Variants in RGS12 observed in about 807,000 individuals in gnomAD.
The protein encoded by RGS12 is regulator of G-protein signaling 12.
In RGS12, 66 loss-of-function variants were observed where a neutral mutation model predicts 120.1. The observed-to-expected ratio is 0.55, with a 90% CI of 0.45 to 0.67. The LOEUF (loss-of-function observed/expected upper bound fraction) is 0.67, where lower values mean the gene tolerates loss of function less well. Among genes scored for constraint, RGS12 ranks in the 30% least tolerant of loss-of-function variants. RGS12 has a pLI of 0.00. For synonymous variants in RGS12, 827 were observed against 804.7 expected, an observed-to-expected ratio of 1.03 and a Z score of -0.47; for missense variants, 1,859 against 1,957.7, an observed-to-expected ratio of 0.95 and a Z score of 0.95.
rs753542639 is a variant in RGS12, at chr4:3,428,671, GA to G, written c.3534del (p.Lys1178AsnfsTer32). On this transcript the variant is annotated frameshift_variant, in exon 16 of 18. Transcript: ENST00000336727. LOFTEE classifies it high-confidence loss of function. The part of the protein sequence containing the change: ...KREESIAKIG[K>X]KKYQKINLDE... Reference sequence around the variant, plus strand: ...GAGAAGAATCTATTGCAAAGATTGGGAAAAAAAAATATCAGAAAATTAATTT... The same window carrying G: ...GAGAAGAATCTATTGCAAAGATTGGGAAAAAAAATATCAGAAAATTAATTT... The G allele has an allele frequency of 4.3e-5, 67 of 1,576,270 alleles. No individual in the cohort carries two copies. Among genetic ancestry groups the G allele is most frequent in the Admixed American group, 2.3e-4 (12 of 52,782 alleles).
At chr4:3,288,714 G>A (rs1365811836), upstream of RGS12, among the ~76,000 whole-genome samples, 2 of 152,180 alleles carry the variant, frequency 1.3e-5, no homozygotes, top group African/African-American at 2.4e-5. The surrounding 1 kb of genome is among the most constrained non-coding windows in gnomAD (Gnocchi z 5.2). Flanking sequence ...AGGCTGACAG[G>A]GCATTCCAGG....
chr4:3,329,756 A>G (rs1711634126), intron 2 of RGS12, among the ~76,000 whole-genome samples: 1 of 152,254 alleles, frequency 6.6e-6, no homozygotes, highest in South Asian at 2.1e-4. Flanking sequence ...AGATTGGGTT[A>G]TATAAAATAA....
intron 1 of RGS12, among the ~76,000 whole-genome samples, chr4:3,300,251 G>A (rs539323406): frequency 6.6e-6 from 1 of 152,344 alleles, no homozygotes; most frequent in Non-Finnish European, 1.5e-5. Context: ...GCTGGAGACA[G>A]CAGTGCCGCG....
intron 4 of RGS12, 51 bp from the exon 5 acceptor site, chr4:3,414,021 G>A: frequency 6.8e-7 from 1 of 1,478,386 alleles, no homozygotes; most frequent in Non-Finnish European, 9.0e-7. Flanking sequence ...AGCAGTCACT[G>A]GGCCGGGGCG....
chr4:3,438,000 A>G (rs1724973635), intron 17 of RGS12, among the ~76,000 whole-genome samples: 2 of 152,190 alleles, frequency 1.3e-5, no homozygotes, highest in Non-Finnish European at 2.9e-5. Context: ...TGGGGCAGCA[A>G]GGACCCTGCG....
At chr4:3,295,068 T>C (rs1723292743) in intron 1 of RGS12, among the ~76,000 whole-genome samples, 1 of 151,882 alleles carries the variant, frequency 6.6e-6, no homozygotes, top group Admixed American at 6.6e-5. Flanking sequence ...CTGTTTAGGA[T>C]GAGGGTCTCG....
At chr4:3,286,524 T>C in the RGS12 span, among the ~76,000 whole-genome samples, 2,031 of 152,330 alleles carry the variant, frequency 0.013, 21 homozygotes, top group Middle Eastern at 0.037. Context: ...AGCTCCATTC[T>C]TGGTTTAAAG....
At chr4:3,361,946 G>A (rs1715603901) in intron 3 of RGS12, among the ~76,000 whole-genome samples, 1 of 152,202 alleles carries the variant, frequency 6.6e-6, no homozygotes, top group African/African-American at 2.4e-5. Context: ...ACTGAGGCTT[G>A]CAGGGAACAA....
intron 1 of RGS12, among the ~76,000 whole-genome samples, chr4:3,309,799 G>A (rs1197284511): frequency 7.1e-6 from 1 of 141,606 alleles, no homozygotes; most frequent in African/African-American, 2.7e-5. Flanking sequence ...GAGGGGAACC[G>A]TGTTGAGGAG....
rs767578793 is a variant in RGS12, at chr4:3,316,946, T to C, written c.776T>C (p.Met259Thr). 2 of 1,613,878 alleles carry C rather than the reference T, an allele frequency of 1.2e-6. No individual in the cohort carries two copies. Among genetic ancestry groups the C allele is most frequent in the Admixed American group, 1.7e-5 (1 of 60,030 alleles). ...SDSLQAIRGC[M>T]RRLRAEQKIH... ...AGCTTGCAAGCCATCCGCGGCTGCATGCGGCGCCTGCGGGCAGAGCAGAAA... is the reference window on the plus strand; with the variant it reads ...AGCTTGCAAGCCATCCGCGGCTGCACGCGGCGCCTGCGGGCAGAGCAGAAA... The change falls in exon 2 of 18, where the codon ATG becomes ACG. Residue 259 changes from methionine (M) to threonine (T), a missense_variant. Met to Thr is a moderately conservative substitution (Grantham distance 81). This residue lies in a region of RGS12 where 967 missense variants were observed against 994.2 expected (regional missense o/e 0.97). Transcript: ENST00000336727.
intron 1 of RGS12, among the ~76,000 whole-genome samples, chr4:3,299,368 C>T (rs1330829026): frequency 6.6e-6 from 1 of 152,210 alleles, no homozygotes; most frequent in African/African-American, 2.4e-5. Context: ...GGGAGGATCA[C>T]AACTTCTACC....
chr4:3,370,065 T>G, intron 3 of RGS12: 2 of 1,265,926 alleles, frequency 1.6e-6, no homozygotes, highest in Non-Finnish European at 1.0e-6. Flanking sequence ...AAACGGCGCT[T>G]CTTTCTTTGG....
intron 2 of RGS12, among the ~76,000 whole-genome samples, chr4:3,332,104 G>A (rs776387215): frequency 1.6e-4 from 25 of 152,184 alleles, no homozygotes; most frequent in Admixed American, 1.4e-3. Flanking sequence ...TGGCTTGGGG[G>A]CCATGGAGGT....
At chr4:3,405,078 T>C (rs985084632) in intron 4 of RGS12, among the ~76,000 whole-genome samples, 7 of 152,188 alleles carry the variant, frequency 4.6e-5, no homozygotes, top group Non-Finnish European at 7.3e-5. Context: ...CTAACACAGA[T>C]AAATGGCTTT....
intron 17 of RGS12, among the ~76,000 whole-genome samples, chr4:3,435,959 C>G (rs1724767042): frequency 1.9e-5 from 2 of 103,734 alleles, no homozygotes; most frequent in South Asian, 5.3e-4. Flanking sequence ...CACCCCCACT[C>G]CCCTATTCCC....
intron 3 of RGS12, among the ~76,000 whole-genome samples, chr4:3,373,076 C>T (rs1049992117): frequency 6.6e-5 from 10 of 152,146 alleles, no homozygotes; most frequent in African/African-American, 1.7e-4. Context: ...GGCAGACAGA[C>T]GCTCATGCAG....
intron 3 of RGS12, among the ~76,000 whole-genome samples, chr4:3,360,522 T>C (rs75832029): frequency 0.03 from 4,622 of 152,200 alleles, 218 homozygotes; most frequent in African/African-American, 0.099. Context: ...AAATTTCCCC[T>C]TTAGTACTAC....
intron 9 of RGS12, chr4:3,419,007 T>C (rs1368293129): frequency 1.6e-5 from 2 of 121,870 alleles, no homozygotes; most frequent in East Asian, 4.8e-4. Context: ...ATGGTAAGGC[T>C]CTACTAAAAA....
Position 3,433,033 on chromosome 4 carries a change from T to TTCCC in RGS12, c.4114+2078_4114+2079insTCCC, listed in dbSNP as rs1198342450. ...ACCCCCACTCTAATGGGATTCTCTG[T>TTCCC]ATTGGAGAGTTCACCTGCCCATGGC... On this transcript the variant is annotated intron_variant, in intron 17 of 17. Transcript: ENST00000336727. This position sits in a 1 kb window ranked among gnomAD's most constrained non-coding sequence, Gnocchi z 4.4. Among the ~76,000 whole-genome samples, 1 of 152,210 alleles carries TTCCC rather than the reference T, an allele frequency of 6.6e-6. No homozygotes were observed. The highest frequency in any genetic ancestry group is 2.4e-5 in the African/African-American group (1 of 41,452).
Sources: gnomAD v4.1 joint callset for allele counts (sites outside exome capture counted in the v4.1 genomes callset) on GRCh38, gnomAD v4.1.1 for gene constraint, gnomAD v4.1.1 regional missense constraint, Gnocchi (gnomAD v3.1) non-coding constraint, MANE v1.5 for transcripts, NCBI Gene and HGNC (gene_info 2026-07-23, HGNC 2026-07-21) for gene names.